Variants in SDK1 observed in about 807,000 individuals in gnomAD.
SDK1 encodes sidekick cell adhesion molecule 1.
SDK1 carries 157 observed loss-of-function variants against 245.5 expected under a neutral mutation model. The ratio of observed to expected loss-of-function variants is 0.64; its 90% CI spans 0.56 to 0.73. The LOEUF is 0.73. Ranked by LOEUF, SDK1 falls within the 30% of genes least tolerant of loss-of-function variation. The pLI, the probability that SDK1 is intolerant of heterozygous loss-of-function variation, is 0.00. For missense variants in SDK1, 3,583 were observed against 3,002.3 expected, an observed-to-expected ratio of 1.19 and a Z score of -4.52; for synonymous variants, 1,647 against 1,278.5, an observed-to-expected ratio of 1.29 and a Z score of -6.15.
chr7:3,346,840 T>C (rs974036552), intron 1 of SDK1, among the ~76,000 whole-genome samples: 1 of 119,772 alleles, frequency 8.3e-6, no homozygotes, highest in African/African-American at 3.4e-5. Flanking sequence ...TTTTTTTTTT[T>C]TTTTTTTTTT....
intron 25 of SDK1, among the ~76,000 whole-genome samples, chr7:4,116,772 A>G (rs992341702): frequency 3.3e-5 from 5 of 152,342 alleles, no homozygotes; most frequent in Admixed American, 2.6e-4. Context: ...GAATGCTGTT[A>G]GGGCGTGGCG....
intron 5 of SDK1, among the ~76,000 whole-genome samples, chr7:3,904,618 C>G (rs974235030): frequency 6.6e-6 from 1 of 152,076 alleles, no homozygotes; most frequent in Admixed American, 6.6e-5. Flanking sequence ...GGCTTCAGCC[C>G]GGAAGATCAA....
chr7:3,646,090 C>T (rs1315094957), intron 4 of SDK1, among the ~76,000 whole-genome samples: 1 of 152,112 alleles, frequency 6.6e-6, no homozygotes, highest in Non-Finnish European at 1.5e-5. Context: ...AACTCCTGAC[C>T]TTGTGATCCA....
At chr7:3,451,708 CAG>C (rs1490944253) in intron 1 of SDK1, among the ~76,000 whole-genome samples, 1 of 152,172 alleles carries the variant, frequency 6.6e-6, no homozygotes, top group African/African-American at 2.4e-5. Flanking sequence ...TGAAATTAAA[CAG>C]TACTGTCGGC....
rs527849989 is a variant in SDK1 at position 3,928,436 on chromosome 7, T to C, written c.848-22487T>C. Reference sequence around the variant, plus strand: ...ATTTTATCTACACGTACAAATATTATTTGATGGTAATGATGAAACTTTGTT... The same window carrying C: ...ATTTTATCTACACGTACAAATATTACTTGATGGTAATGATGAAACTTTGTT... On this transcript the variant is annotated intron_variant, in intron 5 of 44. Transcript: ENST00000404826. Among the ~76,000 whole-genome samples the C allele has an allele frequency of 1.5e-3, 234 of 152,312 alleles. 1 individual carries two copies. The highest frequency in any genetic ancestry group is 2.0e-3 in the Non-Finnish European group (139 of 68,028).
At chr7:3,873,512 A>C (rs542131580) in intron 5 of SDK1, among the ~76,000 whole-genome samples, 7 of 152,170 alleles carry the variant, frequency 4.6e-5, no homozygotes, top group African/African-American at 1.7e-4. Flanking sequence ...ATCCTAGCCC[A>C]TTATTTTTTC....
At chr7:3,764,091 C>G (rs947993805) in intron 4 of SDK1, among the ~76,000 whole-genome samples, 18 of 152,140 alleles carry the variant, frequency 1.2e-4, no homozygotes, top group African/African-American at 4.1e-4. Context: ...GGGGTCAAAG[C>G]TATGAGTAGT....
At chr7:3,411,386 C>CAGTT (rs1255866070) in intron 1 of SDK1, among the ~76,000 whole-genome samples, 1 of 152,168 alleles carries the variant, frequency 6.6e-6, no homozygotes, top group African/African-American at 2.4e-5. Flanking sequence ...ACTACACATA[C>CAGTT]AGTTATAAGA....
At chr7:3,446,910 A>T (rs1780358804) in intron 1 of SDK1, among the ~76,000 whole-genome samples, 1 of 152,132 alleles carries the variant, frequency 6.6e-6, no homozygotes. Context: ...ATCTTTTTAG[A>T]CATCATGTAA....
intron 5 of SDK1, among the ~76,000 whole-genome samples, chr7:3,852,857 A>G (rs1644447507): frequency 6.6e-6 from 1 of 151,866 alleles, no homozygotes; most frequent in African/African-American, 2.4e-5. Flanking sequence ...AAATTCTTAA[A>G]TTCCATGTAC....
At chr7:3,708,697 G>A (rs1394325695) in intron 4 of SDK1, among the ~76,000 whole-genome samples, 1 of 151,338 alleles carries the variant, frequency 6.6e-6, no homozygotes, top group African/African-American at 2.4e-5. Flanking sequence ...TACCTCCAAG[G>A]TCCAGTTACC....
intron 44 of SDK1, among the ~76,000 whole-genome samples, chr7:4,248,838 C>T (rs574766859): frequency 1.2e-3 from 188 of 152,254 alleles, no homozygotes; most frequent in African/African-American, 4.3e-3. Context: ...ACACATACTA[C>T]ATGCATGTAC....
chr7:3,815,479 G>A (rs915007299), intron 4 of SDK1, among the ~76,000 whole-genome samples: 1 of 150,414 alleles, frequency 6.6e-6, no homozygotes, highest in Non-Finnish European at 1.5e-5. Flanking sequence ...TGATCATGGT[G>A]GATAGGCTTT....
intron 19 of SDK1, among the ~76,000 whole-genome samples, chr7:4,052,457 T>G (rs189316825): frequency 1.3e-5 from 2 of 152,074 alleles, no homozygotes; most frequent in Admixed American, 1.3e-4. Context: ...ATGTTCCAGA[T>G]GGGGAGAATT....
intron 22 of SDK1, among the ~76,000 whole-genome samples, chr7:4,088,948 T>G (rs2342501): frequency 6.6e-6 from 1 of 151,082 alleles, no homozygotes; most frequent in African/African-American, 2.4e-5. Flanking sequence ...CTTGTGGGCA[T>G]CTGCACAATG....
At chr7:3,753,528 G>C (rs1172123453) in intron 4 of SDK1, among the ~76,000 whole-genome samples, 1 of 152,216 alleles carries the variant, frequency 6.6e-6, no homozygotes, top group Non-Finnish European at 1.5e-5. Context: ...CCAGGTTGCA[G>C]TCACCCCCAG....
At chr7:3,385,955 T>C (rs1781600116) in intron 1 of SDK1, among the ~76,000 whole-genome samples, 1 of 152,130 alleles carries the variant, frequency 6.6e-6, no homozygotes, top group Non-Finnish European at 1.5e-5. Flanking sequence ...ATACATGTGC[T>C]CTCCCTTTCC....
intron 1 of SDK1, among the ~76,000 whole-genome samples, chr7:3,334,172 G>C (rs1377836064): frequency 3.9e-5 from 6 of 152,328 alleles, no homozygotes; most frequent in South Asian, 2.1e-4. Flanking sequence ...TGCAGAGCTA[G>C]AAGGTGGGAG....
chr7:3,574,645 C>T (rs1331875339), intron 1 of SDK1, among the ~76,000 whole-genome samples: 1 of 152,068 alleles, frequency 6.6e-6, no homozygotes, highest in African/African-American at 2.4e-5. Context: ...CGCATCATTC[C>T]CCTCCACGCA....
Sources: gnomAD v4.1 joint callset for allele counts (sites outside exome capture counted in the v4.1 genomes callset) on GRCh38, gnomAD v4.1.1 for gene constraint, MANE v1.5 for transcripts, NCBI Gene and HGNC (gene_info 2026-07-23, HGNC 2026-07-21) for gene names.